The following UAP1 variants were observed in gnomAD, a reference collection of about 807,000 sequenced individuals.
UAP1 encodes the protein UDP-N-acetylhexosamine pyrophosphorylase.
A neutral mutation model predicts 58.5 loss-of-function variants in UAP1; 25 were observed. The ratio of observed to expected loss-of-function variants is 0.43; its 90% CI spans 0.31 to 0.60. UAP1 has a LOEUF of 0.60. Among genes scored for constraint, UAP1 ranks in the 20% least tolerant of loss-of-function variants. UAP1 has a pLI of 0.11. For synonymous variants in UAP1, 208 were observed against 213.0 expected (o/e 0.98, Z 0.21); for missense variants, 575 against 630.0 (o/e 0.91, Z 0.93).
At chr1:162,590,672 T>C (rs889967757) in intron 8 of UAP1, among the ~76,000 whole-genome samples, 161 bp downstream of exon 8, 2 of 152,224 alleles carry the variant, frequency 1.3e-5, no homozygotes, top group African/African-American at 4.8e-5. Flanking sequence ...CTTTGCCTAT[T>C]ATAAAGAGAA....
chr1:162,589,237 AAATT>A (rs1655145065), intron 7 of UAP1, among the ~76,000 whole-genome samples: 1 of 124,686 alleles, frequency 8.0e-6, no homozygotes, highest in African/African-American at 3.1e-5. Flanking sequence ...TATTATATAT[AAATT>A]TATAGTTATA....
exon 1 of UAP1, chr1:162,561,601 C>T (rs1421344619): frequency 6.6e-6 from 1 of 152,062 alleles, no homozygotes; most frequent in African/African-American, 2.4e-5. Flanking sequence ...AGCCACTAGT[C>T]GTGGCGAGAG....
At chr1:162,588,817 A>C in exon 7 of UAP1, 1 of 1,611,990 alleles carries the variant, frequency 6.2e-7, no homozygotes, top group Non-Finnish European at 8.5e-7. Flanking sequence ...TGTCTTTGAC[A>C]TCTTCCAGTT....
At chr1:162,581,155 G>C in intron 4 of UAP1, 132 bp from the exon 5 acceptor site, 1 of 951,346 alleles carries the variant, frequency 1.1e-6, no homozygotes, top group East Asian at 2.4e-5. Flanking sequence ...CTTCCTTATG[G>C]ATATTCAGTT....
At chr1:162,573,734 G>T (rs1654005768) in intron 2 of UAP1, among the ~76,000 whole-genome samples, 1 of 152,124 alleles carries the variant, frequency 6.6e-6, no homozygotes, top group Non-Finnish European at 1.5e-5. Flanking sequence ...GGAGGCTGAG[G>T]TGGGCAGATC....
At chr1:162,587,746 A>G in intron 6 of UAP1, 78 bp downstream of exon 6, 1 of 1,368,726 alleles carries the variant, frequency 7.3e-7, no homozygotes, top group Non-Finnish European at 1.0e-6. Flanking sequence ...GGATGCAGAC[A>G]CCCCAAGTCC....
At chr1:162,562,105 A>AG (rs1231911954) in intron 1 of UAP1, among the ~76,000 whole-genome samples, 5 of 152,034 alleles carry the variant, frequency 3.3e-5, no homozygotes, top group Non-Finnish European at 7.4e-5. Context: ...GGTCTGGGCC[A>AG]GTGTCTGAGT....
intron 5 of UAP1, among the ~76,000 whole-genome samples, chr1:162,583,867 T>C (rs1392181328): frequency 6.6e-6 from 1 of 151,504 alleles, no homozygotes; most frequent in Non-Finnish European, 1.5e-5. Context: ...CTTGAACTTC[T>C]GACCTCAGGT....
chr1:162,572,212 G>A (rs1478549662), intron 2 of UAP1, among the ~76,000 whole-genome samples: 1 of 152,218 alleles, frequency 6.6e-6, no homozygotes, highest in Non-Finnish European at 1.5e-5. Flanking sequence ...GCGAACAGGA[G>A]TTTAGGAAAC....
chr1:162,580,848 G>T (rs929311732), intron 4 of UAP1, among the ~76,000 whole-genome samples: 7 of 152,092 alleles, frequency 4.6e-5, no homozygotes, highest in Non-Finnish European at 2.9e-5. Context: ...TTTAACAAAT[G>T]ATTTGATACA....
At chr1:162,587,847 G>A in intron 6 of UAP1, 179 bp downstream of exon 6, 1 of 621,946 alleles carries the variant, frequency 1.6e-6, no homozygotes, top group Non-Finnish European at 2.6e-6. Context: ...TGTATTGTAA[G>A]GTGGGAATCA....
At chr1:162,569,607 T>G (rs1653727654) in intron 2 of UAP1, among the ~76,000 whole-genome samples, 1 of 152,226 alleles carries the variant, frequency 6.6e-6, no homozygotes, top group Admixed American at 6.5e-5. Context: ...TTCCCATTCT[T>G]TATTAAAACA....
In UAP1 at chr1:162,566,266, T is replaced by C. The variant is rs748085639; in HGVS notation, c.198T>C (p.Asp66=). The change falls in exon 2 of 11, where the codon GAT becomes GAC. Residue 66 remains aspartate (D), a synonymous_variant. Coordinates refer to ENST00000271469, the Ensembl canonical transcript of UAP1. Reference sequence around the variant, plus strand: ...AGTCTTCTCACCAAAAGAATGTGGATGCACGAATGGAACCTGTGCCTCGAG... The same window carrying C: ...AGTCTTCTCACCAAAAGAATGTGGACGCACGAATGGAACCTGTGCCTCGAG... 7 of 1,614,076 alleles carry C rather than the reference T, an allele frequency of 4.3e-6. No homozygotes were observed. In the African/African-American group the frequency reaches 8.0e-5, roughly 18 times the overall value.
chr1:162,589,542 ATATC>A (rs1655172255), intron 7 of UAP1, among the ~76,000 whole-genome samples: 1 of 151,630 alleles, frequency 6.6e-6, no homozygotes, highest in Non-Finnish European at 1.5e-5. Flanking sequence ...TGTATTTAGG[ATATC>A]TTCTTACTGC....
chr1:162,580,801 G>A (rs375106781), intron 4 of UAP1, among the ~76,000 whole-genome samples: 2 of 152,098 alleles, frequency 1.3e-5, no homozygotes, highest in East Asian at 1.9e-4. Context: ...TTTATATCTC[G>A]TTTAAATCAC....
At chr1:162,590,853 A>G (rs945983555) in intron 8 of UAP1, among the ~76,000 whole-genome samples, 13 of 151,068 alleles carry the variant, frequency 8.6e-5, no homozygotes, top group Middle Eastern at 3.5e-3. Context: ...GTAACACACT[A>G]TACCACAGGG....
At chr1:162,573,311 G>C (rs1329189621) in intron 2 of UAP1, among the ~76,000 whole-genome samples, 1 of 151,914 alleles carries the variant, frequency 6.6e-6, no homozygotes, top group African/African-American at 2.4e-5. Context: ...AGGGTGGTGT[G>C]GTGGTGAAGA....
intron 9 of UAP1, among the ~76,000 whole-genome samples, chr1:162,594,155 T>C (rs1466057720): frequency 6.6e-6 from 1 of 152,204 alleles, no homozygotes; most frequent in Non-Finnish European, 1.5e-5. Flanking sequence ...TGTAATGAAA[T>C]AATTATACAA....
At chr1:162,588,919 A>G (rs948225419) in intron 7 of UAP1, 86 bp downstream of exon 7, 16 of 1,344,450 alleles carry the variant, frequency 1.2e-5, no homozygotes, top group Non-Finnish European at 1.6e-5. Context: ...TGTTTTCAGG[A>G]AACATTTGAT....
Sources: allele counts gnomAD v4.1 joint callset (sites outside exome capture counted in the v4.1 genomes callset), GRCh38; gene constraint gnomAD v4.1.1; transcripts MANE v1.5; gene names NCBI Gene and HGNC (gene_info 2026-07-23, HGNC 2026-07-21).